The following ZFPM1 variants were observed in gnomAD, a reference collection of about 807,000 sequenced individuals.
The protein encoded by ZFPM1 is zinc finger protein ZFPM1.
ZFPM1 carries 28 observed loss-of-function variants against 46.3 expected under a neutral mutation model. The ratio of observed to expected loss-of-function variants is 0.60; its 90% CI spans 0.45 to 0.83. The LOEUF is 0.83. ZFPM1 is among the 40% of genes least tolerant of loss of function. The pLI is 0.00. For synonymous variants in ZFPM1, 957 were observed against 675.9 expected (o/e 1.42, Z -6.45); for missense variants, 1,878 against 1,432.4 (o/e 1.31, Z -5.02).
chr16:88,502,675 C>T (rs571777232), intron 3 of ZFPM1, among the ~76,000 whole-genome samples: 12 of 152,352 alleles, frequency 7.9e-5, no homozygotes, highest in African/African-American at 2.9e-4. Context: ...GCTGCCCCAG[C>T]GCCAGCAGCT....
At chr16:88,473,652 G>A (rs1449256119) in intron 1 of ZFPM1, among the ~76,000 whole-genome samples, 3 of 152,060 alleles carry the variant, frequency 2.0e-5, no homozygotes, top group Admixed American at 6.5e-5. Flanking sequence ...CGCGGCCCCC[G>A]CCCCATCTAT....
chr16:88,486,794 C>T (rs1597243278), intron 2 of ZFPM1, among the ~76,000 whole-genome samples: 2 of 150,174 alleles, frequency 1.3e-5, no homozygotes, highest in East Asian at 4.0e-4. Context: ...GCTGGGTGCA[C>T]AGTGGATGCT....
chr16:88,475,721 G>A (rs1323002104), intron 1 of ZFPM1, among the ~76,000 whole-genome samples: 2 of 152,198 alleles, frequency 1.3e-5, no homozygotes, highest in East Asian at 3.9e-4. Context: ...AGGCTCGCTG[G>A]CCACTGCCCA....
chr16:88,473,794 A>C (rs35471681), intron 1 of ZFPM1, among the ~76,000 whole-genome samples: 1,895 of 152,224 alleles, frequency 0.012, 13 homozygotes, highest in African/African-American at 0.021. Context: ...CCACCCTGCC[A>C]CACATATGGC....
chr16:88,535,248 A>T lies in ZFPM1; in HGVS notation c.*269A>T, dbSNP rs1913196869. 3.3e-6 allele frequency: 1 copy of T among 304,586 alleles called. No individual in the cohort carries two copies. The allele number at this position is 304,586 out of a possible 1,614,324, so 18.9% of individuals were successfully genotyped here. ...TCCAGCCCTGCTGTGTACACAGGCC[A>T]CTGCGGCCCGGAGTGGCTGGGCCCC... On this transcript the variant is annotated 3_prime_UTR_variant, in exon 10 of 10. Transcript: ENST00000319555.
Position 88,534,029 on chromosome 16 carries a change from C to A in ZFPM1, c.2071C>A (p.Arg691Ser), listed in dbSNP as rs746899614. The change falls in exon 10 of 10, where the codon CGC becomes AGC. Residue 691 changes from arginine (R) to serine (S), a missense_variant. By Grantham distance (110) the Arg-to-Ser change is moderately radical. Coordinates refer to ENST00000319555, the MANE Select transcript of ZFPM1 (RefSeq NM_153813.3). ...CACGCTGTGCGAGGCCTGCAACATC[C>A]GCTTCAGCCGCCACGAGACCTACAC... ...SRTLCEACNI[R>S]FSRHETYTVH... 1.5e-6 allele frequency: 2 copies of A among 1,345,722 alleles called. No homozygotes were observed. Among genetic ancestry groups the A allele is most frequent in the South Asian group, 2.5e-5 (2 of 80,810 alleles). 83.4% of individuals were successfully genotyped at this position (1,345,722 alleles called of 1,614,324 possible). A position where few individuals can be genotyped will look rare whatever the true frequency, so the allele number is the denominator to read the frequency against.
rs775855816 is a variant in ZFPM1, at chr16:88,486,067, C to G, written c.145+24C>G. 2.9e-5 allele frequency: 47 copies of G among 1,600,758 alleles called. No individual in the cohort carries two copies. The Admixed American group carries it at 4.7e-4, about 16-fold the overall frequency. ...AGGTGAGTCAGACTGAGCCCTCTCA[C>G]CGCGCCTCCAGCCGGGGCCTCCATT... On this transcript the variant is annotated intron_variant, in intron 2 of 9. Transcript: ENST00000319555.
intron 1 of ZFPM1, among the ~76,000 whole-genome samples, chr16:88,483,471 T>C (rs943443775): frequency 6.6e-6 from 1 of 152,124 alleles, no homozygotes; most frequent in Non-Finnish European, 1.5e-5. Context: ...TATGGCCCCC[T>C]CTGCCAGAGC....
At position 88,497,916 on chromosome 16, in the gene ZFPM1, G is replaced by A. The variant is rs1243834542; in HGVS notation, c.268+8763G>A. On this transcript the variant is annotated intron_variant, in intron 3 of 9. Transcript: ENST00000319555. The surrounding 1 kb of genome is among the most constrained non-coding windows in gnomAD (Gnocchi z 5.4). Reference sequence around the variant, plus strand: ...CCTGCTATCGGGTGGAGGCTGAGGCGGGGGCCCGGCCTGATGGACAGCAGG... The same window carrying A: ...CCTGCTATCGGGTGGAGGCTGAGGCAGGGGCCCGGCCTGATGGACAGCAGG... 4.6e-5 allele frequency among the ~76,000 whole-genome samples: 7 copies of A among 152,198 alleles called. No individual in the cohort carries two copies. Among genetic ancestry groups the A allele is most frequent in the East Asian group, 1.9e-4 (1 of 5,194 alleles).
At chr16:88,492,956 GGT>G (rs1429918347) in intron 3 of ZFPM1, among the ~76,000 whole-genome samples, 1 of 152,162 alleles carries the variant, frequency 6.6e-6, no homozygotes, top group East Asian at 1.9e-4. Context: ...CCTGTCCCAG[GGT>G]GTGGGGAGCT....
chr16:88,461,183 C>CGGGGCGGGAGGCCTGGTGAGGACCGA lies in ZFPM1; in HGVS notation c.40+7529_40+7530insGAGGGGCGGGAGGCCTGGTGAGGACC, dbSNP rs1567525825. Among the ~76,000 whole-genome samples, 54 of 34,724 alleles carry CGGGGCGGGAGGCCTGGTGAGGACCGA rather than the reference C, an allele frequency of 1.6e-3. 1 individual carries two copies. The highest frequency in any genetic ancestry group is 5.2e-3 in the Admixed American group (16 of 3,082). 22.8% of individuals were successfully genotyped at this position (34,724 alleles called of 152,430 possible). On this transcript the variant is annotated intron_variant, in intron 1 of 9. Coordinates refer to ENST00000319555, the MANE Select transcript of ZFPM1 (RefSeq NM_153813.3). Reference sequence around the variant, plus strand: ...GGGAGACCTGGTGAGGACCGAGGGGCGGGGCGGGAGGCCTGGTGAGGACCC... The same window carrying CGGGGCGGGAGGCCTGGTGAGGACCGA: ...GGGAGACCTGGTGAGGACCGAGGGGCGGGGCGGGAGGCCTGGTGAGGACCGAGGGGCGGGAGGCCTGGTGAGGACCC...
chr16:88,488,030 G>A (rs761422891), intron 2 of ZFPM1, among the ~76,000 whole-genome samples: 27 of 152,336 alleles, frequency 1.8e-4, no homozygotes, highest in Non-Finnish European at 2.9e-4. Flanking sequence ...TAACCCTCGC[G>A]GAGCCTCCGT....
intron 3 of ZFPM1, among the ~76,000 whole-genome samples, chr16:88,502,056 GCC>G (rs34910465): frequency 2.7e-4 from 29 of 105,912 alleles, no homozygotes; most frequent in East Asian, 1.5e-3. Context: ...GGCTCCACCC[GCC>G]CCCCCCCATT....
At chr16:88,493,525 AGCTGTCCCGGG>A (rs1291007543) in intron 3 of ZFPM1, among the ~76,000 whole-genome samples, 2 of 96,432 alleles carry the variant, frequency 2.1e-5, no homozygotes, top group African/African-American at 9.0e-5. Context: ...GGGTGCGGGG[AGCTGTCCCGGG>A]GTGGGGAGAG....
chr16:88,470,285 G>C (rs1419296658), intron 1 of ZFPM1, among the ~76,000 whole-genome samples: 5 of 152,176 alleles, frequency 3.3e-5, no homozygotes, highest in African/African-American at 1.2e-4. Context: ...GACGGGTTGG[G>C]GCGGGCAGCC....
At chr16:88,503,927 G>C (rs968973556) in intron 3 of ZFPM1, among the ~76,000 whole-genome samples, 6 of 143,406 alleles carry the variant, frequency 4.2e-5, no homozygotes, top group African/African-American at 1.6e-4. Flanking sequence ...TTTCTGGAAG[G>C]GACTTTTCCA....
At chr16:88,491,473 G>A (rs11863329) in intron 3 of ZFPM1, among the ~76,000 whole-genome samples, 7,081 of 152,322 alleles carry the variant, frequency 0.046, 257 homozygotes, top group African/African-American at 0.093. Flanking sequence ...GATGCAGGAC[G>A]CATCCACCGT....
intron 2 of ZFPM1, among the ~76,000 whole-genome samples, chr16:88,488,201 C>T (rs937412109): frequency 6.6e-5 from 10 of 152,152 alleles, no homozygotes; most frequent in African/African-American, 2.4e-4. Flanking sequence ...GGAGGGGCCG[C>T]AGCAAAGGGC....
intron 4 of ZFPM1, among the ~76,000 whole-genome samples, chr16:88,522,422 C>T (rs1336299325): frequency 6.6e-6 from 1 of 152,226 alleles, no homozygotes. Flanking sequence ...TGGCCCACTA[C>T]CCCGCAGTGT....
Sources: gnomAD v4.1 joint callset for allele counts (sites outside exome capture counted in the v4.1 genomes callset) on GRCh38, gnomAD v4.1.1 for gene constraint, Gnocchi (gnomAD v3.1) non-coding constraint, MANE v1.5 for transcripts, NCBI Gene and HGNC (gene_info 2026-07-23, HGNC 2026-07-21) for gene names.